ZNF99: variants seen among roughly 807,000 people sequenced by gnomAD.
ZNF99 encodes zinc finger protein ENSP00000375192.
Under a neutral mutation model 12.8 loss-of-function variants are expected in ZNF99, and 8 were observed. The ratio of observed to expected loss-of-function variants is 0.62; its 90% CI spans 0.37 to 1.13. ZNF99 has a LOEUF of 1.13. Ranked by LOEUF, ZNF99 falls within the 50% of genes most tolerant of loss-of-function variation. The pLI, the probability that ZNF99 is intolerant of heterozygous loss-of-function variation, is 0.02. For synonymous variants in ZNF99, 318 were observed against 319.0 expected, an observed-to-expected ratio of 1.00 and a Z score of 0.03; for missense variants, 1,007 against 1,006.2, an observed-to-expected ratio of 1.00 and a Z score of -0.01.
At position 22,754,137 on chromosome 19, in the gene ZNF99, C is replaced by T. The variant is rs537844955; in HGVS notation, c.*3177G>A. The T allele has an allele frequency of 1.9e-4, 84 of 453,702 alleles. No individual in the cohort carries two copies. The highest frequency in any genetic ancestry group is 1.5e-3 in the African/African-American group (76 of 49,994). 28.1% of individuals were successfully genotyped at this position (453,702 alleles called of 1,614,324 possible). A position where few individuals can be genotyped will look rare whatever the true frequency, so the allele number is the denominator to read the frequency against. On this transcript the variant is annotated 3_prime_UTR_variant, in exon 4 of 4. Transcript: ENST00000596209. ...TTTGGGGCACTTTGGGAGGCCAAGGCGGGTGGATCACTTGAGGTCAGGAGT... is the reference window on the plus strand; with the variant it reads ...TTTGGGGCACTTTGGGAGGCCAAGGTGGGTGGATCACTTGAGGTCAGGAGT...
At chr19:22,781,955 A>C (rs1351744423) in intron 1 of ZNF99, among the ~76,000 whole-genome samples, 1 of 152,114 alleles carries the variant, frequency 6.6e-6, no homozygotes, top group Non-Finnish European at 1.5e-5. Context: ...CAAGGAGGAA[A>C]AAAAAAAAGC....
At position 22,758,873 on chromosome 19, in the gene ZNF99, A is replaced by C. The variant is rs1166205777; in HGVS notation, c.1036T>G (p.Cys346Gly). 2 of 1,613,816 alleles carry C rather than the reference A, an allele frequency of 1.2e-6. No homozygotes were observed. Among genetic ancestry groups the C allele is most frequent in the Non-Finnish European group, 1.7e-6 (2 of 1,179,906 alleles). ...TGKKPYKCEE[C>G]GKAFSQSSTL... ...GAGGACTGGCTAAAAGCTTTGCCAC[A>C]TTCTTCACATTTGTAGGGTTTCTTT... Residue 346 changes from cysteine (C) to glycine (G), a missense_variant, in exon 4 of 4, where the codon TGT (cysteine) becomes GGT (glycine). Physicochemically the swap from Cys to Gly is radical, Grantham distance 159. Transcript: ENST00000596209.
intron 3 of ZNF99, among the ~76,000 whole-genome samples, chr19:22,762,469 T>C (rs1415963413): frequency 6.6e-6 from 1 of 151,760 alleles, no homozygotes; most frequent in Non-Finnish European, 1.5e-5. Context: ...AGACCAATAA[T>C]GAGCAGCGAG....
chr19:22,763,600 G>A (rs537515509), intron 3 of ZNF99, among the ~76,000 whole-genome samples: 18 of 152,044 alleles, frequency 1.2e-4, no homozygotes, highest in Admixed American at 3.3e-4. Flanking sequence ...AAATACCACC[G>A]TCATTCTTCA....
chr19:22,779,479 C>T (rs972236994), intron 1 of ZNF99, among the ~76,000 whole-genome samples: 3 of 152,058 alleles, frequency 2.0e-5, no homozygotes, highest in African/African-American at 4.8e-5. Context: ...GAGTCAAGAT[C>T]GTGCCACTGC....
chr19:22,784,095 G>T lies in ZNF99; in HGVS notation c.-79C>A. On this transcript the variant is annotated 5_prime_UTR_variant, in exon 1 of 4. Coordinates refer to ENST00000596209, the MANE Select transcript of ZNF99 (RefSeq NM_001080409.3). ...CAGGTCACAGGGCCACAGAGGCTAAGGACACAGAGCAGTAAAAACGAGATC... is the reference window on the plus strand; with the variant it reads ...CAGGTCACAGGGCCACAGAGGCTAATGACACAGAGCAGTAAAAACGAGATC... 6.4e-7 allele frequency: 1 copy of T among 1,550,768 alleles called. No homozygotes were observed. The highest frequency in any genetic ancestry group is 8.9e-7 in the Non-Finnish European group (1 of 1,127,820).
Position 22,757,385 on chromosome 19 carries a change from T to C in ZNF99, c.2524A>G (p.Arg842Gly). 1.2e-6 allele frequency: 2 copies of C among 1,608,240 alleles called. No individual in the cohort carries two copies. Among genetic ancestry groups the C allele is most frequent in the Non-Finnish European group, 1.7e-6 (2 of 1,178,120 alleles). Residue 842 changes from arginine to glycine, a missense_variant, in exon 4 of 4, where the codon AGA (arginine) becomes GGA (glycine). Physicochemically the swap from Arg to Gly is moderately radical, Grantham distance 125. Coordinates refer to ENST00000596209, the MANE Select transcript of ZNF99 (RefSeq NM_001080409.3). ...LTLHKVIHME[R>G]NPANVKNVAK... ...ACATTCTTCACATTTGCAGGGTTTC[T>C]CTCCATATGAATTACCTTATGTAAA...
At position 22,768,347 on chromosome 19, in the gene ZNF99, G is replaced by A. The variant is rs1433295609; in HGVS notation, c.184C>T (p.Pro62Ser). 1.2e-6 allele frequency: 2 copies of A among 1,613,654 alleles called. No homozygotes were observed. The highest frequency in any genetic ancestry group is 4.5e-5 in the East Asian group (2 of 44,822). ...LITCLKQGKE[P>S]WNMKRHEMVT... ...ATCTCATGTCTCTTCATATTCCAAG[G>A]CTCTTTCCCTTGCTTCAGACAAGTT... The change falls in exon 3 of 4, where the codon CCT becomes TCT. Residue 62 changes from proline (P) to serine (S), a missense_variant. Coordinates refer to ENST00000596209, the MANE Select transcript of ZNF99 (RefSeq NM_001080409.3).
At chr19:22,764,832 A>AT (rs1973187839) in intron 3 of ZNF99, among the ~76,000 whole-genome samples, 3 of 152,168 alleles carry the variant, frequency 2.0e-5, no homozygotes, top group Non-Finnish European at 4.4e-5. Flanking sequence ...AAATAAATAA[A>AT]AAAACAGATG....
chr19:22,755,092 AT>A lies in ZNF99; in HGVS notation c.*2221del. On this transcript the variant is annotated 3_prime_UTR_variant, in exon 4 of 4. Coordinates refer to ENST00000596209, the MANE Select transcript of ZNF99 (RefSeq NM_001080409.3). ...CTGTTTCAAAAAAAAAAAAAAAAAA[AT>A]TGAAGAATGCTTATGGCATTATTCA... is the stretch of plus-strand genomic sequence containing the variant. The A allele has an allele frequency of 6.1e-6, 1 of 164,502 alleles. No homozygotes were observed. 10.2% of individuals were successfully genotyped at this position (164,502 alleles called of 1,614,324 possible).
intron 2 of ZNF99, 127 bp downstream of exon 2, chr19:22,769,069 CCT>C (rs1973236529): frequency 2.0e-6 from 2 of 1,017,318 alleles, no homozygotes; most frequent in African/African-American, 1.7e-5. Flanking sequence ...CTTTCAAATC[CCT>C]GTTTTCAGAA....
chr19:22,769,373 C>G, intron 1 of ZNF99, 49 bp from the exon 2 acceptor site: 2 of 1,562,380 alleles, frequency 1.3e-6, no homozygotes. Flanking sequence ...TGGCCATGGA[C>G]AGAATTTTTA....
chr19:22,769,000 G>C (rs1278943914), intron 2 of ZNF99, among the ~76,000 whole-genome samples, 198 bp downstream of exon 2: 1 of 149,598 alleles, frequency 6.7e-6, no homozygotes, highest in African/African-American at 2.5e-5. Flanking sequence ...TTGCACTCCA[G>C]CCTGGGCAAC....
chr19:22,772,172 A>AT (rs1973280841), intron 1 of ZNF99, among the ~76,000 whole-genome samples: 1 of 152,128 alleles, frequency 6.6e-6, no homozygotes, highest in Admixed American at 6.5e-5. Flanking sequence ...GTGTGATTAC[A>AT]AGTTGATTTG....
Position 22,752,669 on chromosome 19 carries a change from G to A in ZNF99, c.*4645C>T, listed in dbSNP as rs928975263. ...TGAGTAAGGTGGGATAGGTTAAAGCGAGTGGCATAATAACACTTCATTGAA... is the reference window on the plus strand; with the variant it reads ...TGAGTAAGGTGGGATAGGTTAAAGCAAGTGGCATAATAACACTTCATTGAA... On this transcript the variant is annotated 3_prime_UTR_variant, in exon 4 of 4. Coordinates refer to ENST00000596209, the MANE Select transcript of ZNF99 (RefSeq NM_001080409.3). 3 of 152,006 alleles carry A rather than the reference G, an allele frequency of 2.0e-5. No individual in the cohort carries two copies. The highest frequency in any genetic ancestry group is 1.9e-4 in the East Asian group (1 of 5,192). The allele number at this position is 152,006 out of a possible 1,614,324, so 9.4% of individuals were successfully genotyped here.
At position 22,756,326 on chromosome 19, in the gene ZNF99, G is replaced by T; in HGVS notation, c.*988C>A. 1 of 1,549,760 alleles carries T rather than the reference G, an allele frequency of 6.5e-7. No homozygotes were observed. The highest frequency in any genetic ancestry group is 8.7e-7 in the Non-Finnish European group (1 of 1,147,754). On this transcript the variant is annotated 3_prime_UTR_variant, in exon 4 of 4. Coordinates refer to ENST00000596209, the MANE Select transcript of ZNF99 (RefSeq NM_001080409.3). ...TCCAGTATGAATTGTTTTATGTTGA[G>T]TAAGGTGTGAGGACTGGTTAAAGGC...
chr19:22,781,787 T>C (rs1204371550), intron 1 of ZNF99, among the ~76,000 whole-genome samples: 1 of 152,154 alleles, frequency 6.6e-6, no homozygotes, highest in East Asian at 1.9e-4. Context: ...CTAGACACTC[T>C]AGCAGACATA....
rs146366652 is a variant in ZNF99 at position 22,754,661 on chromosome 19, G to C, written c.*2653C>G. ...GTTTGCCACATTCTTCATATTTGTA[G>C]GGCTAGTTTCCATTATGAATTATCT... On this transcript the variant is annotated 3_prime_UTR_variant, in exon 4 of 4. Transcript: ENST00000596209. 100 of 326,558 alleles carry C rather than the reference G, an allele frequency of 3.1e-4. No individual in the cohort carries two copies. In the East Asian group the frequency reaches 4.0e-3, roughly 13 times the overall value. The allele number at this position is 326,558 out of a possible 1,614,324, so 20.2% of individuals were successfully genotyped here. A position where few individuals can be genotyped will look rare whatever the true frequency, so the allele number is the denominator to read the frequency against.
rs373373081 is a variant in ZNF99, at chr19:22,756,453, G to T, written c.*861C>A. On this transcript the variant is annotated 3_prime_UTR_variant, in exon 4 of 4. Coordinates refer to ENST00000596209, the MANE Select transcript of ZNF99 (RefSeq NM_001080409.3). ...ATGCTTTACCACACTCTTCACATTT[G>T]TAGGGTTTCTTTCCAGTATGAATTA... 6.3e-7 allele frequency: 1 copy of T among 1,587,244 alleles called. No homozygotes were observed.
Sources: gnomAD v4.1 joint callset for allele counts (sites outside exome capture counted in the v4.1 genomes callset) on GRCh38, gnomAD v4.1.1 for gene constraint, MANE v1.5 for transcripts, NCBI Gene and HGNC (gene_info 2026-07-23, HGNC 2026-07-21) for gene names.